The following ANK3 variants were observed in gnomAD, a reference collection of about 807,000 sequenced individuals.
ANK3 encodes ankyrin-3.
Under a neutral mutation model 370.9 loss-of-function variants are expected in ANK3, and 57 were observed. The observed-to-expected ratio is 0.15, with a 90% CI of 0.12 to 0.19. ANK3 has a LOEUF of 0.19. Among genes scored for constraint, ANK3 ranks in the 10% least tolerant of loss-of-function variants. The pLI, the probability that ANK3 is intolerant of heterozygous loss-of-function variation, is 1.00. For synonymous variants in ANK3, 1,929 were observed against 1,946.3 expected (o/e 0.99, Z 0.23); for missense variants, 4,439 against 5,302.1 (o/e 0.84, Z 5.06).
At chr10:60,043,100 T>C (rs914522843) in intron 42 of ANK3, 5 of 1,038,416 alleles carry the variant, frequency 4.8e-6, no homozygotes, top group Non-Finnish European at 5.8e-6. Context: ...GTAAACAATC[T>C]GTTGCAATGA....
At chr10:60,131,885 T>C (rs1377019484) in intron 25 of ANK3, among the ~76,000 whole-genome samples, 2 of 152,166 alleles carry the variant, frequency 1.3e-5, no homozygotes, top group Non-Finnish European at 2.9e-5. Context: ...TGCAGAAATA[T>C]AAGCCACAAT....
At chr10:60,233,763 T>C (rs1315988216) in intron 8 of ANK3, among the ~76,000 whole-genome samples, 1 of 152,138 alleles carries the variant, frequency 6.6e-6, no homozygotes, top group African/African-American at 2.4e-5. Flanking sequence ...TGTGGTAAAA[T>C]ACATACAACA....
intron 24 of ANK3, among the ~76,000 whole-genome samples, chr10:60,135,274 GT>G (rs2094286138): frequency 6.6e-6 from 1 of 152,188 alleles, no homozygotes; most frequent in Non-Finnish European, 1.5e-5. Context: ...GAGGATGGAG[GT>G]TGGTGAGGAG....
intron 25 of ANK3, among the ~76,000 whole-genome samples, chr10:60,118,559 C>G (rs890457401): frequency 1.4e-5 from 2 of 140,778 alleles, no homozygotes; most frequent in African/African-American, 4.9e-5. Flanking sequence ...TCAGTCTGGC[C>G]TCATTTAACA....
intron 2 of ANK3, among the ~76,000 whole-genome samples, chr10:60,454,138 T>C (rs889269522): frequency 5.3e-5 from 8 of 152,218 alleles, no homozygotes; most frequent in African/African-American, 1.9e-4. Context: ...CCTTTACATT[T>C]TTGTTCATCT....
rs186870941 is a variant in ANK3, at chr10:60,366,166, C to T, written c.114+23259G>A. ...CAGCCTGGTCAACATGGTGAAATCC[C>T]GTCTCTACTAAAAATACAAAAATTA... On this transcript the variant is annotated intron_variant, in intron 1 of 43. Transcript: ENST00000280772. Among the ~76,000 whole-genome samples, 7 of 152,006 alleles carry T rather than the reference C, an allele frequency of 4.6e-5. No homozygotes were observed. The East Asian group carries it at 7.8e-4, about 17-fold the overall frequency.
At chr10:60,579,300 G>T (rs1250624444) in intron 2 of ANK3, among the ~76,000 whole-genome samples, 1 of 139,792 alleles carries the variant, frequency 7.2e-6, no homozygotes, top group Non-Finnish European at 1.5e-5. Flanking sequence ...ACTCTGGCCT[G>T]GCACCAGAGC....
intron 4 of ANK3, among the ~76,000 whole-genome samples, chr10:60,270,572 T>C (rs2097958034): frequency 2.0e-5 from 3 of 152,272 alleles, no homozygotes; most frequent in Admixed American, 2.0e-4. Context: ...CTACCATGAG[T>C]AAGTATTTTA....
chr10:60,583,040 G>T (rs571739354), intron 2 of ANK3, among the ~76,000 whole-genome samples: 1 of 152,182 alleles, frequency 6.6e-6, no homozygotes, highest in African/African-American at 2.4e-5. Context: ...AAATCAATAT[G>T]TTGAAGAGAT....
intron 1 of ANK3, among the ~76,000 whole-genome samples, chr10:60,383,766 A>G (rs1449176235): frequency 1.3e-5 from 2 of 152,166 alleles, no homozygotes; most frequent in Admixed American, 6.6e-5. Flanking sequence ...TTCTACCATA[A>G]AAGTCCAGCT....
At chr10:60,474,892 C>A (rs2075018151) in intron 2 of ANK3, among the ~76,000 whole-genome samples, 1 of 151,970 alleles carries the variant, frequency 6.6e-6, no homozygotes, top group Non-Finnish European at 1.5e-5. Flanking sequence ...AGATTTTTAT[C>A]TTCTTCATTA....
chr10:60,505,196 T>G (rs928424311), intron 2 of ANK3, among the ~76,000 whole-genome samples: 11 of 152,258 alleles, frequency 7.2e-5, no homozygotes, highest in African/African-American at 2.6e-4. Flanking sequence ...ATTTTTATAG[T>G]AAAATGTTTT....
chr10:60,434,631 T>C (rs1417227966), intron 2 of ANK3, among the ~76,000 whole-genome samples: 2 of 152,212 alleles, frequency 1.3e-5, no homozygotes, highest in African/African-American at 4.8e-5. Flanking sequence ...TGCCACCCTG[T>C]GGAATATTCA....
chr10:60,052,429 T>A (rs936981905), intron 42 of ANK3, among the ~76,000 whole-genome samples: 1 of 152,212 alleles, frequency 6.6e-6, no homozygotes, highest in African/African-American at 2.4e-5. Flanking sequence ...ACCTAACACA[T>A]AACTGGTACT....
At chr10:60,223,422 C>T (rs549876702) in intron 8 of ANK3, among the ~76,000 whole-genome samples, 1 of 152,264 alleles carries the variant, frequency 6.6e-6, no homozygotes, top group South Asian at 2.1e-4. Context: ...TTACTGTTTT[C>T]TTACAAGTAT....
intron 2 of ANK3, among the ~76,000 whole-genome samples, chr10:60,572,077 T>C (rs201359232): frequency 6.6e-6 from 1 of 152,140 alleles, no homozygotes; most frequent in African/African-American, 2.4e-5. Flanking sequence ...AAGCTAAACA[T>C]CTATACCATA....
At chr10:60,161,760 A>T (rs946085906) in intron 23 of ANK3, among the ~76,000 whole-genome samples, 2 of 152,158 alleles carry the variant, frequency 1.3e-5, no homozygotes, top group Non-Finnish European at 2.9e-5. Context: ...TAAAGAGGGG[A>T]TGGTTAATTG....
At chr10:60,684,519 A>C in intron 1 of ANK3, 1 of 1,530,628 alleles carries the variant, frequency 6.5e-7, no homozygotes, top group Non-Finnish European at 8.9e-7. Flanking sequence ...GGAATGGACT[A>C]TCAGACCAGA....
intron 2 of ANK3, chr10:60,572,842 G>A: frequency 9.1e-7 from 1 of 1,097,286 alleles, no homozygotes; most frequent in Non-Finnish European, 1.1e-6. Flanking sequence ...GTCCTGACAA[G>A]ACTTTGTTGC....
Sources: allele counts gnomAD v4.1 joint callset (sites outside exome capture counted in the v4.1 genomes callset), GRCh38; gene constraint gnomAD v4.1.1; transcripts MANE v1.5; gene names NCBI Gene and HGNC (gene_info 2026-07-23, HGNC 2026-07-21).